Variants in CAB39 observed in about 807,000 individuals in gnomAD.
CAB39 encodes calcium-binding protein 39.
Under a neutral mutation model 40.0 loss-of-function variants are expected in CAB39, and 8 were observed. The ratio of observed to expected loss-of-function variants is 0.20; its 90% confidence interval spans 0.12 to 0.36. The LOEUF (loss-of-function observed/expected upper bound fraction) is 0.36. Among genes scored for constraint, CAB39 ranks in the 10% least tolerant of loss-of-function variants. CAB39 has a pLI of 1.00. For missense variants in CAB39, 270 were observed against 401.1 expected, an observed-to-expected ratio of 0.67 and a Z score of 2.79; for synonymous variants, 156 against 141.6, an observed-to-expected ratio of 1.10 and a Z score of -0.72.
At chr2:230,726,358 G>A (rs755704936) in intron 1 of CAB39, among the ~76,000 whole-genome samples, 1 of 151,732 alleles carries the variant, frequency 6.6e-6, no homozygotes, top group African/African-American at 2.4e-5. Context: ...TTCCAGTAGA[G>A]ATGGGGTTTC....
Position 230,814,028 on chromosome 2 carries a change from T to G in CAB39, c.628-21T>G, listed in dbSNP as rs779981268. ...TTTTTTTTTTGGCAATAACCCTGATTTATGTTCTCTTATCTTTTAGTTTTT... is the reference window on the plus strand; with the variant it reads ...TTTTTTTTTTGGCAATAACCCTGATGTATGTTCTCTTATCTTTTAGTTTTT... On this transcript the variant is annotated intron_variant, in intron 6 of 8. Transcript: ENST00000258418. The G allele has an allele frequency of 5.6e-6, 4 of 717,094 alleles. No individual in the cohort carries two copies. The East Asian group carries it at 1.0e-4, about 18-fold the overall frequency. 44.4% of individuals were successfully genotyped at this position (717,094 alleles called of 1,614,324 possible).
chr2:230,806,343 A>C (rs1169537241), intron 5 of CAB39, among the ~76,000 whole-genome samples: 3 of 152,186 alleles, frequency 2.0e-5, no homozygotes, highest in Non-Finnish European at 4.4e-5. Flanking sequence ...AATACAATTA[A>C]GCAGTATGAT....
At chr2:230,733,438 A>G (rs545080397) in intron 1 of CAB39, among the ~76,000 whole-genome samples, 28 of 152,256 alleles carry the variant, frequency 1.8e-4, no homozygotes, top group African/African-American at 5.5e-4. Context: ...CCTTGAAACT[A>G]AAAGGGTTTT....
intron 1 of CAB39, among the ~76,000 whole-genome samples, chr2:230,729,789 G>A (rs1183079466): frequency 6.7e-6 from 1 of 150,310 alleles, no homozygotes; most frequent in African/African-American, 2.4e-5. Flanking sequence ...ACCACATAAA[G>A]ATATTTAATA....
Position 230,820,877 on chromosome 2 carries a change from G to C in CAB39, c.*2173G>C, listed in dbSNP as rs1176540465. ...TACCAAGACTATTATACTGGAAGTG[G>C]TTTTTGTGTTATAAAGGTTTAATTT... On this transcript the variant is annotated 3_prime_UTR_variant, in exon 9 of 9. Transcript: ENST00000258418. 3 of 152,596 alleles carry C rather than the reference G, an allele frequency of 2.0e-5. No homozygotes were observed. Among genetic ancestry groups the C allele is most frequent in the Non-Finnish European group, 4.4e-5 (3 of 68,026 alleles). The allele number at this position is 152,596 out of a possible 1,614,324, so 9.5% of individuals were successfully genotyped here.
intron 2 of CAB39, among the ~76,000 whole-genome samples, chr2:230,761,690 T>G (rs1318439754): frequency 1.3e-5 from 2 of 152,210 alleles, no homozygotes; most frequent in Non-Finnish European, 2.9e-5. Flanking sequence ...CCTTTATTGC[T>G]TATTATCTTT....
At chr2:230,742,256 G>A (rs1694891824) in intron 1 of CAB39, among the ~76,000 whole-genome samples, 1 of 152,006 alleles carries the variant, frequency 6.6e-6, no homozygotes, top group South Asian at 2.1e-4. Context: ...CTCACTGCAA[G>A]CTCCGTCTCC....
chr2:230,770,677 G>C (rs894277421), intron 2 of CAB39, among the ~76,000 whole-genome samples: 1 of 152,116 alleles, frequency 6.6e-6, no homozygotes, highest in Non-Finnish European at 1.5e-5. Context: ...CACGAACATA[G>C]ATGCAGAATT....
At chr2:230,764,035 T>A (rs1390577847) in intron 2 of CAB39, among the ~76,000 whole-genome samples, 2 of 151,590 alleles carry the variant, frequency 1.3e-5, no homozygotes, top group Non-Finnish European at 2.9e-5. Context: ...GGCAGGAGAA[T>A]TGCTTGAACG....
At chr2:230,767,874 C>G (rs1228567444) in intron 2 of CAB39, among the ~76,000 whole-genome samples, 2 of 152,112 alleles carry the variant, frequency 1.3e-5, no homozygotes, top group African/African-American at 4.8e-5. Flanking sequence ...CCCTAGTGCT[C>G]TATTTGGCTT....
chr2:230,807,867 T>C (rs1258742116), intron 5 of CAB39, among the ~76,000 whole-genome samples: 2 of 152,178 alleles, frequency 1.3e-5, no homozygotes, highest in Non-Finnish European at 2.9e-5. Flanking sequence ...CGTGAGGTTA[T>C]GACAGAACAG....
chr2:230,754,330 T>TTCCTTCTTCTTCCTTCC (rs1695144162), intron 1 of CAB39, among the ~76,000 whole-genome samples: 1 of 103,112 alleles, frequency 9.7e-6, no homozygotes, highest in Non-Finnish European at 1.8e-5. Context: ...TTCTTCCTTC[T>TTCCTTCTTCTTCCTTCC]TCTTCCTTCC....
intron 1 of CAB39, among the ~76,000 whole-genome samples, chr2:230,714,895 G>T (rs565995323): frequency 6.6e-6 from 1 of 152,190 alleles, no homozygotes; most frequent in Non-Finnish European, 1.5e-5. Flanking sequence ...ACTTGTTTGC[G>T]TGTATGACAA....
At chr2:230,797,142 A>G (rs1696000100) in intron 4 of CAB39, among the ~76,000 whole-genome samples, 1 of 152,202 alleles carries the variant, frequency 6.6e-6, no homozygotes, top group Non-Finnish European at 1.5e-5. Flanking sequence ...CCAATTGTCC[A>G]GGTATGAATT....
At chr2:230,807,217 C>T (rs561973859) in intron 5 of CAB39, among the ~76,000 whole-genome samples, 1 of 152,086 alleles carries the variant, frequency 6.6e-6, no homozygotes, top group Non-Finnish European at 1.5e-5. Flanking sequence ...ACACACCCCC[C>T]TCCCACCCAC....
intron 1 of CAB39, among the ~76,000 whole-genome samples, chr2:230,742,996 T>C (rs1363332777): frequency 6.6e-6 from 1 of 152,194 alleles, no homozygotes; most frequent in Non-Finnish European, 1.5e-5. Context: ...TTTCCTCTCA[T>C]ATGTGGTATA....
At chr2:230,724,751 CTTT>C (rs576437702) in intron 1 of CAB39, among the ~76,000 whole-genome samples, 9 of 111,780 alleles carry the variant, frequency 8.1e-5, no homozygotes, top group Non-Finnish European at 9.1e-5. Context: ...CTCGTTTAAT[CTTT>C]TTTTTTTTTT....
chr2:230,757,115 T>C (rs1448061102), intron 1 of CAB39, among the ~76,000 whole-genome samples: 5 of 152,278 alleles, frequency 3.3e-5, no homozygotes, highest in Non-Finnish European at 5.9e-5. Context: ...TTTTCCTCCT[T>C]ATTTAAATTT....
intron 2 of CAB39, among the ~76,000 whole-genome samples, chr2:230,785,515 G>A (rs1357046785): frequency 1.3e-5 from 2 of 151,922 alleles, no homozygotes; most frequent in African/African-American, 4.8e-5. Context: ...TGAGGAGGAG[G>A]TGAGGTAACA....
Sources: allele counts gnomAD v4.1 joint callset (sites outside exome capture counted in the v4.1 genomes callset), GRCh38; gene constraint gnomAD v4.1.1; transcripts MANE v1.5; gene names NCBI Gene and HGNC (gene_info 2026-07-23, HGNC 2026-07-21).